KIAA0753: variants seen among roughly 807,000 people sequenced by gnomAD.
KIAA0753 encodes protein moonraker.
In KIAA0753, 114 loss-of-function variants were observed where a neutral mutation model predicts 116.9. That is an observed-to-expected ratio of 0.98 (90% CI 0.84 to 1.14). The LOEUF (loss-of-function observed/expected upper bound fraction) is 1.14, where lower values mean the gene tolerates loss of function less well. Among genes scored for constraint, KIAA0753 ranks in the 50% most tolerant of loss-of-function variants. KIAA0753 has a pLI of 0.00. For synonymous variants in KIAA0753, 405 were observed against 413.1 expected, an observed-to-expected ratio of 0.98 and a Z score of 0.24; for missense variants, 1,156 against 1,172.4, an observed-to-expected ratio of 0.99 and a Z score of 0.20.
At chr17:6,627,954 C>T (rs1366428834) in intron 3 of KIAA0753, among the ~76,000 whole-genome samples, 163 bp downstream of exon 3, 1 of 152,174 alleles carries the variant, frequency 6.6e-6, no homozygotes, top group Non-Finnish European at 1.5e-5. Context: ...ACTGTTCAAA[C>T]TCCAAGCCTA....
chr17:6,637,586 C>G (rs996588956), intron 1 of KIAA0753: 2 of 152,892 alleles, frequency 1.3e-5, no homozygotes, highest in African/African-American at 4.8e-5. Flanking sequence ...CCCTCCCCCA[C>G]AGACCCCAGC....
intron 9 of KIAA0753, 36 bp downstream of exon 9, chr17:6,609,958 T>C: frequency 6.2e-7 from 1 of 1,607,964 alleles, no homozygotes; most frequent in Non-Finnish European, 8.5e-7. Context: ...AAAAAGAGCA[T>C]CACATACACA....
chr17:6,624,536 CCACA>C (rs55849399), intron 4 of KIAA0753, among the ~76,000 whole-genome samples: 240 of 143,972 alleles, frequency 1.7e-3, no homozygotes, highest in Admixed American at 2.1e-3. Context: ...GAGTTTGGCG[CCACA>C]CACACACACA....
Position 6,590,547 on chromosome 17 carries a change from C to T in KIAA0753, c.2524G>A (p.Ala842Thr). The change falls in exon 17 of 19, where the codon GCC becomes ACC. Residue 842 changes from alanine to threonine, a missense_variant. Ala to Thr is a moderately conservative substitution (Grantham distance 58). Coordinates refer to ENST00000361413, the MANE Select transcript of KIAA0753 (RefSeq NM_014804.3). ...GGCCTTTCTAACATGATGTTCACGG[C>T]TGGATCCTTGCGATCCACTGTCTTC... ...ITKTVDRKDP[A>T]VNIMLERPCN... 6.2e-7 allele frequency: 1 copy of T among 1,614,032 alleles called. No homozygotes were observed. Among genetic ancestry groups the T allele is most frequent in the South Asian group, 1.1e-5 (1 of 91,072 alleles).
intron 16 of KIAA0753, among the ~76,000 whole-genome samples, chr17:6,594,637 C>CA (rs1411576547): frequency 1.3e-5 from 2 of 152,008 alleles, no homozygotes; most frequent in African/African-American, 4.8e-5. Flanking sequence ...CAAAAACCAC[C>CA]AAATAGCACA....
intron 3 of KIAA0753, among the ~76,000 whole-genome samples, chr17:6,625,520 A>C (rs1164097332): frequency 6.6e-6 from 1 of 151,822 alleles, no homozygotes; most frequent in Non-Finnish European, 1.5e-5. Flanking sequence ...TACAAAAATT[A>C]GCCAGGCGTG....
At chr17:6,618,084 G>A (rs112234989) in intron 7 of KIAA0753, among the ~76,000 whole-genome samples, 8 of 151,830 alleles carry the variant, frequency 5.3e-5, no homozygotes, top group African/African-American at 1.4e-4. Flanking sequence ...CCTGGGCAAC[G>A]AGAGCGAGAC....
chr17:6,586,017 G>A (rs1968548732), intron 18 of KIAA0753, among the ~76,000 whole-genome samples: 1 of 151,976 alleles, frequency 6.6e-6, no homozygotes, highest in African/African-American at 2.4e-5. Flanking sequence ...GGGGCCTGGT[G>A]GGAAGTGTTT....
intron 1 of KIAA0753, chr17:6,637,636 C>T (rs1343853887): frequency 6.5e-6 from 1 of 152,716 alleles, no homozygotes; most frequent in African/African-American, 2.4e-5. Flanking sequence ...CTGTCTGCCT[C>T]CCAACAAACC....
intron 16 of KIAA0753, among the ~76,000 whole-genome samples, chr17:6,593,717 T>C (rs563198386): frequency 9.3e-4 from 142 of 152,296 alleles, no homozygotes; most frequent in African/African-American, 2.6e-3. Context: ...AAACCCTGTC[T>C]CTACTACAAT....
chr17:6,579,129 A>T lies in KIAA0753; in HGVS notation c.*618T>A, dbSNP rs975846320. 2.6e-5 allele frequency: 4 copies of T among 152,230 alleles called. No homozygotes were observed. Among genetic ancestry groups the T allele is most frequent in the Non-Finnish European group, 4.4e-5 (3 of 68,040 alleles). 9.4% of individuals were successfully genotyped at this position (152,230 alleles called of 1,614,324 possible). ...ACTAAAAATGTGAAAATCACCTAGG[A>T]ATGGAACGTTGAAGAAATGTGTGTC... On this transcript the variant is annotated 3_prime_UTR_variant, in exon 19 of 19. Transcript: ENST00000361413.
At chr17:6,591,058 A>C (rs1335692434) in intron 16 of KIAA0753, among the ~76,000 whole-genome samples, 4 of 43,534 alleles carry the variant, frequency 9.2e-5, no homozygotes, top group East Asian at 5.1e-4. Context: ...AAGAAGAAGA[A>C]GAAGAAGAAG....
intron 15 of KIAA0753, 58 bp from the exon 16 acceptor site, chr17:6,595,111 C>G: frequency 8.2e-7 from 1 of 1,217,066 alleles, no homozygotes; most frequent in Non-Finnish European, 1.2e-6. Flanking sequence ...AATTACAAAC[C>G]AGAACTGGTA....
At chr17:6,638,654 TCTC>T (rs1248336236) in intron 1 of KIAA0753, 1 of 152,388 alleles carries the variant, frequency 6.6e-6, no homozygotes, top group East Asian at 2.0e-4. Flanking sequence ...CCACTACAGG[TCTC>T]CTCTCCAAGC....
intron 18 of KIAA0753, among the ~76,000 whole-genome samples, chr17:6,581,933 T>A (rs1014508990): frequency 5.1e-4 from 77 of 152,220 alleles, no homozygotes; most frequent in Non-Finnish European, 1.5e-5. Context: ...CAAGAAGCCC[T>A]CGTGCCTCTT....
chr17:6,595,832 C>G (rs1188623151), intron 15 of KIAA0753, among the ~76,000 whole-genome samples: 1 of 152,196 alleles, frequency 6.6e-6, no homozygotes. Context: ...CAAAAGCCTA[C>G]GATTCCACTT....
chr17:6,605,809 T>C (rs1198674794), intron 12 of KIAA0753, among the ~76,000 whole-genome samples: 1 of 152,174 alleles, frequency 6.6e-6, no homozygotes. Context: ...GCGTGGATGT[T>C]CATTCTGTAA....
In KIAA0753 at chr17:6,599,297, T is replaced by G. The variant is rs1969690871; in HGVS notation, c.2112A>C (p.Ala704=). Residue 704 remains alanine, a synonymous_variant, in exon 14 of 19, where the codon GCA becomes GCC. Transcript: ENST00000361413. ...ACGAGCCATCTTTCAAATGAATATT[T>G]GCTTCTGTAGTAGAATTGACTCTCT... ...KAQRVNSTTE[A]NIHLKDGSSV... is the part of the protein sequence containing the mutation. 2 of 1,613,384 alleles carry G rather than the reference T, an allele frequency of 1.2e-6. No individual in the cohort carries two copies. Among genetic ancestry groups the G allele is most frequent in the Admixed American group, 3.3e-5 (2 of 59,996 alleles).
At position 6,610,146 on chromosome 17, in the gene KIAA0753, A is replaced by T. The variant is rs761747089; in HGVS notation, c.1560T>A (p.Ala520=). Reference sequence around the variant, plus strand: ...GAGGTTGGCTTTGTCTACCTCTTTCAGCTTTGCGGAGTCCCTGTGAGAGAT... The same window carrying T: ...GAGGTTGGCTTTGTCTACCTCTTTCTGCTTTGCGGAGTCCCTGTGAGAGAT... ...APARQQGLRK[A]ERGRQSQPHS... The change falls in exon 9 of 19, where the codon GCT becomes GCA. Residue 520 remains alanine (A), a synonymous_variant. Coordinates refer to ENST00000361413, the MANE Select transcript of KIAA0753 (RefSeq NM_014804.3). 6.2e-7 allele frequency: 1 copy of T among 1,614,130 alleles called. No homozygotes were observed. The highest frequency in any genetic ancestry group is 8.5e-7 in the Non-Finnish European group (1 of 1,180,008).
Sources: gnomAD v4.1 joint callset for allele counts (sites outside exome capture counted in the v4.1 genomes callset) on GRCh38, gnomAD v4.1.1 for gene constraint, MANE v1.5 for transcripts, NCBI Gene and HGNC (gene_info 2026-07-23, HGNC 2026-07-21) for gene names.